SNX29: variants seen among roughly 807,000 people sequenced by gnomAD.
SNX29 encodes sorting nexin-29.
SNX29 carries 78 observed loss-of-function variants against 102.1 expected under a neutral mutation model. That is an observed-to-expected ratio of 0.76 (90% CI 0.64 to 0.92). The LOEUF (loss-of-function observed/expected upper bound fraction) is 0.92. SNX29 is among the 40% of genes least tolerant of loss of function. SNX29 has a pLI of 0.00. For synonymous variants in SNX29, 580 were observed against 414.5 expected (o/e 1.40, Z -4.85); for missense variants, 1,280 against 1,061.7 (o/e 1.21, Z -2.86).
At chr16:12,403,018 G>A (rs1322170940) in intron 17 of SNX29, among the ~76,000 whole-genome samples, 1 of 152,182 alleles carries the variant, frequency 6.6e-6, no homozygotes, top group Non-Finnish European at 1.5e-5. Context: ...CAGCGTGACT[G>A]CTGGGTGCTC....
At chr16:12,476,574 G>T (rs895996828) in intron 18 of SNX29, among the ~76,000 whole-genome samples, 1 of 149,870 alleles carries the variant, frequency 6.7e-6, no homozygotes, top group Non-Finnish European at 1.5e-5. Flanking sequence ...GTGATGTGAC[G>T]TCAGCAATAA....
chr16:12,168,528 C>T (rs1162485638), intron 13 of SNX29, among the ~76,000 whole-genome samples: 2 of 152,182 alleles, frequency 1.3e-5, no homozygotes, highest in Non-Finnish European at 2.9e-5. Flanking sequence ...TACCTCGCCC[C>T]AGCTAGCATC....
At chr16:12,505,423 C>A (rs1190489159) in intron 19 of SNX29, among the ~76,000 whole-genome samples, 1 of 152,170 alleles carries the variant, frequency 6.6e-6, no homozygotes, top group Non-Finnish European at 1.5e-5. Context: ...AATCAATTGA[C>A]TATAAATGTG....
At chr16:11,997,822 C>T (rs1050439527) in intron 1 of SNX29, among the ~76,000 whole-genome samples, 1 of 152,128 alleles carries the variant, frequency 6.6e-6, no homozygotes. Flanking sequence ...ATCTTTTACA[C>T]CATTTAACTC....
At chr16:12,314,475 C>A (rs1014675707) in intron 15 of SNX29, among the ~76,000 whole-genome samples, 3 of 152,238 alleles carry the variant, frequency 2.0e-5, no homozygotes, top group Non-Finnish European at 4.4e-5. Flanking sequence ...CAGCCGAGTT[C>A]CCTAGCCTTT....
chr16:12,355,851 A>T (rs1191397751), intron 15 of SNX29, among the ~76,000 whole-genome samples: 1 of 29,070 alleles, frequency 3.4e-5, no homozygotes, highest in Non-Finnish European at 9.0e-5. Flanking sequence ...ATTAAAAAAA[A>T]AAAAAAAAAA....
chr16:12,293,380 G>A (rs1292346064), intron 15 of SNX29, among the ~76,000 whole-genome samples: 1 of 152,246 alleles, frequency 6.6e-6, no homozygotes, highest in Non-Finnish European at 1.5e-5. Flanking sequence ...TCTGGACCCA[G>A]TTCTGATAAC....
At chr16:12,489,280 C>T (rs529983442) in intron 19 of SNX29, among the ~76,000 whole-genome samples, 2 of 147,380 alleles carry the variant, frequency 1.4e-5, no homozygotes, top group East Asian at 2.1e-4. Flanking sequence ...ATCTCTAACA[C>T]GCTGGAAAAA....
At chr16:12,280,535 T>C (rs2079398758) in intron 15 of SNX29, among the ~76,000 whole-genome samples, 1 of 152,134 alleles carries the variant, frequency 6.6e-6, no homozygotes. Flanking sequence ...TTGTTTGTTT[T>C]TTTTATCCCG....
At chr16:12,352,132 A>G (rs1402012515) in intron 15 of SNX29, among the ~76,000 whole-genome samples, 2 of 152,216 alleles carry the variant, frequency 1.3e-5, no homozygotes, top group East Asian at 1.9e-4. Flanking sequence ...TCCAACAATG[A>G]TAGACTGGAT....
rs28628298 is a variant in SNX29, at chr16:12,483,101, T to C, written c.2178+5242T>C. Among the ~76,000 whole-genome samples, 1,380 of 146,130 alleles carry C rather than the reference T, an allele frequency of 9.4e-3. 22 individuals are homozygous for C. The highest frequency in any genetic ancestry group is 0.034 in the African/African-American group (1,309 of 38,758). ...TGAGTCAAGCCACAATAGATACATA[T>C]TGAAGTTATTAAGTTTTTTTTTTTT... On this transcript the variant is annotated intron_variant, in intron 19 of 20. Coordinates refer to ENST00000566228, the MANE Select transcript of SNX29 (RefSeq NM_032167.5).
intron 18 of SNX29, among the ~76,000 whole-genome samples, chr16:12,445,992 C>T (rs1420878529): frequency 6.6e-6 from 1 of 151,950 alleles, no homozygotes; most frequent in East Asian, 1.9e-4. Context: ...TTTCGCGCTG[C>T]ACACCTGCTT....
Position 11,999,858 on chromosome 16 carries a change from G to A in SNX29, c.69+500G>A, listed in dbSNP as rs192500222. Among the ~76,000 whole-genome samples the A allele has an allele frequency of 2.5e-3, 372 of 151,722 alleles. 6 individuals carry two copies. Among genetic ancestry groups the A allele is most frequent in the African/African-American group, 7.3e-3 (300 of 41,326 alleles). On this transcript the variant is annotated intron_variant, in intron 2 of 20. Coordinates refer to ENST00000566228, the MANE Select transcript of SNX29 (RefSeq NM_032167.5). ...GGTAGTTGCAGTGAGCTGAGATTGC[G>A]CCACTGCACTCCAGCCTGGGCAACA...
chr16:12,106,515 C>G (rs1462534605), intron 11 of SNX29, among the ~76,000 whole-genome samples: 1 of 152,048 alleles, frequency 6.6e-6, no homozygotes, highest in Admixed American at 6.5e-5. Context: ...TTGCAGTCAC[C>G]CAGGCTGCAG....
intron 20 of SNX29, among the ~76,000 whole-genome samples, chr16:12,568,260 G>C (rs1423273334): frequency 4.7e-5 from 7 of 148,624 alleles, no homozygotes; most frequent in African/African-American, 1.5e-4. Flanking sequence ...CCATGAGCTA[G>C]CTCAGACTCA....
chr16:12,013,488 G>GGAAAA (rs781538940), intron 3 of SNX29, among the ~76,000 whole-genome samples: 8 of 12,974 alleles, frequency 6.2e-4, no homozygotes, highest in African/African-American at 1.5e-3. Flanking sequence ...TCTACTGGGG[G>GGAAAA]AAAAAAAAAA....
chr16:12,527,498 G>A (rs917180613), intron 20 of SNX29: 10 of 422,558 alleles, frequency 2.4e-5, no homozygotes, highest in East Asian at 1.7e-4. Flanking sequence ...GTTACTGAAC[G>A]TAACCGGATT....
intron 15 of SNX29, among the ~76,000 whole-genome samples, chr16:12,283,585 C>T (rs1222500384): frequency 4.6e-5 from 7 of 152,216 alleles, no homozygotes; most frequent in Non-Finnish European, 1.0e-4. Flanking sequence ...TCCCAAAGTG[C>T]TGGGATTACA....
chr16:12,551,134 C>T (rs1032255847), intron 20 of SNX29, among the ~76,000 whole-genome samples: 1 of 152,142 alleles, frequency 6.6e-6, no homozygotes, highest in African/African-American at 2.4e-5. Flanking sequence ...CAGTGGTCCA[C>T]AGCTGCCAGG....
Sources: allele counts gnomAD v4.1 joint callset (sites outside exome capture counted in the v4.1 genomes callset), GRCh38; gene constraint gnomAD v4.1.1; transcripts MANE v1.5; gene names NCBI Gene and HGNC (gene_info 2026-07-23, HGNC 2026-07-21).